SLC6A2: variants seen among roughly 807,000 people sequenced by gnomAD.
SLC6A2 encodes solute carrier family 6 member 2, also known as sodium-dependent noradrenaline transporter.
In SLC6A2, 26 loss-of-function variants were observed where a neutral mutation model predicts 71.7. The observed-to-expected ratio is 0.36, with a 90% CI of 0.27 to 0.50. The LOEUF (loss-of-function observed/expected upper bound fraction) is 0.50, where lower values mean the gene tolerates loss of function less well. Ranked by LOEUF, SLC6A2 falls within the 20% of genes least tolerant of loss-of-function variation. The pLI, the probability that SLC6A2 is intolerant of heterozygous loss-of-function variation, is 0.96. For missense variants in SLC6A2, 581 were observed against 803.9 expected, an observed-to-expected ratio of 0.72 and a Z score of 3.35; for synonymous variants, 363 against 337.9, an observed-to-expected ratio of 1.07 and a Z score of -0.82.
chr16:55,703,284 G>T lies in SLC6A2; in HGVS notation c.*938G>T. On this transcript the variant is annotated 3_prime_UTR_variant, in exon 15 of 15. Transcript: ENST00000568943. ...GTCTTCACCGTGCTGTCCTCACAAG[G>T]CCAGGTGGGTGCCCAAAGGGAGCCT... 1.0e-6 allele frequency: 1 copy of T among 985,502 alleles called. No homozygotes were observed. The highest frequency in any genetic ancestry group is 1.2e-6 in the Non-Finnish European group (1 of 829,962). The allele number at this position is 985,502 out of a possible 1,614,324, so 61.0% of individuals were successfully genotyped here.
chr16:55,660,990 G>GGAT (rs1964594775), intron 2 of SLC6A2, among the ~76,000 whole-genome samples: 1 of 152,214 alleles, frequency 6.6e-6, no homozygotes, highest in Non-Finnish European at 1.5e-5. Flanking sequence ...CCAGCTGCTG[G>GGAT]GATGCACGGG....
chr16:55,684,315 AAAC>A (rs1265804969), intron 4 of SLC6A2, among the ~76,000 whole-genome samples: 10 of 146,608 alleles, frequency 6.8e-5, no homozygotes, highest in African/African-American at 1.8e-4. Flanking sequence ...AAAAAAAAAA[AAAC>A]AACAACAACA....
intron 3 of SLC6A2, among the ~76,000 whole-genome samples, chr16:55,670,279 G>A (rs1272454424): frequency 6.6e-6 from 1 of 152,218 alleles, no homozygotes; most frequent in East Asian, 1.9e-4. Context: ...ACTGGGCACA[G>A]ATGGCAACGA....
rs1417932426 is a variant in SLC6A2, at chr16:55,699,546, G to A, written c.1490-8G>A. ...CCATGGTAACAGGCCTGCCCTGTGT[G>A]TGCACAGGAGTGGACAGGTTCAGCA... On this transcript the variant is annotated splice_region_variant and splice_polypyrimidine_tract_variant and intron_variant, in intron 11 of 14. Transcript: ENST00000568943. The A allele has an allele frequency of 1.2e-6, 2 of 1,604,276 alleles. No individual in the cohort carries two copies. The highest frequency in any genetic ancestry group is 1.1e-5 in the South Asian group (1 of 90,878).
intron 6 of SLC6A2, among the ~76,000 whole-genome samples, chr16:55,693,012 C>T (rs950659213): frequency 4.6e-5 from 7 of 152,226 alleles, no homozygotes; most frequent in Non-Finnish European, 1.0e-4. Context: ...AGAAGCTAAG[C>T]CCTCAGTGCA....
rs1289482169 is a variant in SLC6A2, at chr16:55,705,113, A to G, written c.*2767A>G. 3.1e-6 allele frequency: 3 copies of G among 954,056 alleles called. No individual in the cohort carries two copies. Among genetic ancestry groups the G allele is most frequent in the South Asian group, 2.8e-5 (2 of 71,200 alleles). The allele number at this position is 954,056 out of a possible 1,614,324, so 59.1% of individuals were successfully genotyped here. A position where few individuals can be genotyped will look rare whatever the true frequency, so the allele number is the denominator to read the frequency against. Reference sequence around the variant, plus strand: ...TGATATTTTTTCAGGTTTTTAAAGAATTATTATTTTTCATGAAATGTAAAA... The same window carrying G: ...TGATATTTTTTCAGGTTTTTAAAGAGTTATTATTTTTCATGAAATGTAAAA... On this transcript the variant is annotated 3_prime_UTR_variant, in exon 15 of 15. Coordinates refer to ENST00000568943, the MANE Select transcript of SLC6A2 (RefSeq NM_001172501.3).
chr16:55,671,425 A>G (rs1008043907), intron 3 of SLC6A2, among the ~76,000 whole-genome samples: 14 of 152,160 alleles, frequency 9.2e-5, no homozygotes, highest in Admixed American at 3.9e-4. Flanking sequence ...GCAGGGGCCT[A>G]TGGACTCTGG....
intron 5 of SLC6A2, among the ~76,000 whole-genome samples, chr16:55,690,891 T>C (rs541528829): frequency 1.1e-4 from 16 of 152,144 alleles, no homozygotes; most frequent in Non-Finnish European, 2.2e-4. Context: ...GTCTCTACCT[T>C]TCTTTTCTGT....
chr16:55,705,077 CTT>C lies in SLC6A2; in HGVS notation c.*2732_*2733del. 2 of 736,178 alleles carry C rather than the reference CTT, an allele frequency of 2.7e-6. No individual in the cohort carries two copies. Among genetic ancestry groups the C allele is most frequent in the Non-Finnish European group, 4.6e-6 (2 of 430,596 alleles). 45.6% of individuals were successfully genotyped at this position (736,178 alleles called of 1,614,324 possible). ...AGGGTGCTGTGTACTGTATATGACA[CTT>C]GACGCTTTTGATATTTTTTCAGGTT... On this transcript the variant is annotated 3_prime_UTR_variant, in exon 15 of 15. Transcript: ENST00000568943.
chr16:55,669,783 G>A, intron 3 of SLC6A2, 87 bp downstream of exon 3: 2 of 1,418,328 alleles, frequency 1.4e-6, no homozygotes, highest in East Asian at 2.3e-5. Context: ...TGAGATCTAA[G>A]GTAGACCTCC....
rs1174317538 is a variant in SLC6A2 at position 55,672,114 on chromosome 16, G to A, written c.583G>A (p.Val195Met). ...CGACCCCAAGCTCCTCAATGGCTCC[G>A]TGCTTGGCAACCACACCAAGTACTC... ...CTDPKLLNGS[V>M]LGNHTKYSKY... The change falls in exon 4 of 15, where the codon GTG becomes ATG. Residue 195 changes from valine (V) to methionine (M), a missense_variant. Transcript: ENST00000568943. 4 of 1,614,162 alleles carry A rather than the reference G, an allele frequency of 2.5e-6. No homozygotes were observed. The highest frequency in any genetic ancestry group is 3.4e-6 in the Non-Finnish European group (4 of 1,180,042).
At chr16:55,683,771 T>A (rs1243537966) in intron 4 of SLC6A2, among the ~76,000 whole-genome samples, 1 of 152,174 alleles carries the variant, frequency 6.6e-6, no homozygotes, top group Non-Finnish European at 1.5e-5. Context: ...CTCACCCAGC[T>A]CAGGAAAGAG....
At chr16:55,658,867 G>T (rs1039506628) in intron 2 of SLC6A2, among the ~76,000 whole-genome samples, 12 of 152,332 alleles carry the variant, frequency 7.9e-5, no homozygotes, top group African/African-American at 2.4e-4. Flanking sequence ...AGCTAATCCA[G>T]AGGTGAAACT....
chr16:55,700,583 C>T (rs1482947605), intron 13 of SLC6A2, among the ~76,000 whole-genome samples: 1 of 152,136 alleles, frequency 6.6e-6, no homozygotes, highest in Non-Finnish European at 1.5e-5. Context: ...TGGGGGTGAG[C>T]TCAGCCCTGG....
intron 5 of SLC6A2, 78 bp downstream of exon 5, chr16:55,685,359 G>A: frequency 6.9e-7 from 1 of 1,454,968 alleles, no homozygotes; most frequent in South Asian, 1.1e-5. Context: ...CAATAATTAT[G>A]TAGCTGGTGG....
chr16:55,682,636 G>A (rs1965309996), intron 4 of SLC6A2, among the ~76,000 whole-genome samples: 1 of 152,206 alleles, frequency 6.6e-6, no homozygotes, highest in African/African-American at 2.4e-5. Context: ...AGTTAGCCCT[G>A]ATCTTGCAGA....
chr16:55,671,561 T>G, intron 3 of SLC6A2: 1 of 464,774 alleles, frequency 2.2e-6, no homozygotes, highest in Admixed American at 3.6e-5. Flanking sequence ...TTACAGCTGC[T>G]CCCCATCGCT....
chr16:55,687,881 C>T (rs1965503895), intron 5 of SLC6A2, among the ~76,000 whole-genome samples: 1 of 152,166 alleles, frequency 6.6e-6, no homozygotes, highest in Non-Finnish European at 1.5e-5. Flanking sequence ...ATGCTCAGTT[C>T]TTTCCAAAAT....
chr16:55,673,968 G>T (rs545616977), intron 4 of SLC6A2, among the ~76,000 whole-genome samples: 8 of 152,162 alleles, frequency 5.3e-5, no homozygotes, highest in African/African-American at 1.9e-4. Flanking sequence ...TGGGCTCCTG[G>T]ATATTTATTT....
Sources: allele counts gnomAD v4.1 joint callset (sites outside exome capture counted in the v4.1 genomes callset), GRCh38; gene constraint gnomAD v4.1.1; transcripts MANE v1.5; gene names NCBI Gene and HGNC (gene_info 2026-07-23, HGNC 2026-07-21).